The following SH3KBP1 variants were observed in gnomAD, a reference collection of about 807,000 sequenced individuals.
SH3KBP1 encodes SH3 domain-containing kinase-binding protein 1.
SH3KBP1 carries 8 observed loss-of-function variants against 50.1 expected under a neutral mutation model. That is an observed-to-expected ratio of 0.16 (90% CI 0.09 to 0.29). The LOEUF is 0.29. Ranked by LOEUF, SH3KBP1 falls within the 10% of genes least tolerant of loss-of-function variation. The pLI is 1.00. For missense variants in SH3KBP1, 377 were observed against 535.2 expected (o/e 0.70, Z 2.92); for synonymous variants, 227 against 218.6 (o/e 1.04, Z -0.34).
intron 1 of SH3KBP1, among the ~76,000 whole-genome samples, chrX:19,843,336 TAC>T (rs1258844344): frequency 1.0e-4 from 11 of 110,074 alleles, no homozygotes; most frequent in Non-Finnish European, 2.1e-4. Flanking sequence ...CAACTTTACA[TAC>T]ACACAGACTC....
chrX:19,779,428 TA>T (rs913583596), intron 2 of SH3KBP1, among the ~76,000 whole-genome samples: 3 of 109,390 alleles, frequency 2.7e-5, no homozygotes, highest in Non-Finnish European at 5.7e-5. Flanking sequence ...AACAGCACTT[TA>T]TTTTTTTTTT....
intron 7 of SH3KBP1, among the ~76,000 whole-genome samples, chrX:19,635,531 G>A (rs777215216): frequency 3.0e-5 from 3 of 98,861 alleles, no homozygotes; most frequent in Non-Finnish European, 4.1e-5. Context: ...CGTGTATCCC[G>A]TTTTTTTTTT....
At chrX:19,682,457 T>A (rs1044043447) in intron 6 of SH3KBP1, among the ~76,000 whole-genome samples, 2 of 109,103 alleles carry the variant, frequency 1.8e-5, no homozygotes, top group African/African-American at 6.7e-5. Flanking sequence ...ACTGAGTCAA[T>A]GGTCGTTTTC....
intron 1 of SH3KBP1, among the ~76,000 whole-genome samples, chrX:19,841,800 A>G (rs1389311688): frequency 9.3e-6 from 1 of 107,171 alleles, no homozygotes; most frequent in Non-Finnish European, 1.9e-5. Context: ...CATCAAGCCC[A>G]GGGCTACGTT....
chrX:19,559,163 T>C (rs1267694033), intron 13 of SH3KBP1, among the ~76,000 whole-genome samples: 3 of 97,656 alleles, frequency 3.1e-5, no homozygotes, highest in African/African-American at 7.7e-5. Flanking sequence ...TCCCAGCTAC[T>C]CTGGAGGCTG....
intron 5 of SH3KBP1, 31 bp downstream of exon 5, chrX:19,695,581 C>A: frequency 1.7e-6 from 2 of 1,206,407 alleles, no homozygotes; most frequent in Admixed American, 2.2e-5. Context: ...TCCCCCGCCC[C>A]TCTCCTGCTT....
At chrX:19,781,835 G>A (rs753561936) in intron 2 of SH3KBP1, among the ~76,000 whole-genome samples, 2 of 111,620 alleles carry the variant, frequency 1.8e-5, no homozygotes, top group African/African-American at 6.5e-5. Flanking sequence ...CTATATTCTT[G>A]AAATGGGTGA....
At chrX:19,878,505 T>TGTGTGTGTGAGA (rs1491094714) in intron 1 of SH3KBP1, among the ~76,000 whole-genome samples, 10 of 48,251 alleles carry the variant, frequency 2.1e-4, no homozygotes, top group African/African-American at 6.0e-4. Context: ...TGTGTGTGTG[T>TGTGTGTGTGAGA]GAGAGAGAGA....
chrX:19,742,013 A>T (rs2064783380), intron 3 of SH3KBP1, among the ~76,000 whole-genome samples: 2 of 112,155 alleles, frequency 1.8e-5, no homozygotes, highest in Non-Finnish European at 3.8e-5. Context: ...ACGGGCCAGC[A>T]GGGTATTGAT....
chrX:19,784,601 TTTTTA>T (rs761003705), intron 2 of SH3KBP1, among the ~76,000 whole-genome samples: 58 of 110,819 alleles, frequency 5.2e-4, no homozygotes, highest in Middle Eastern at 4.6e-3. Flanking sequence ...TCAGATTTAT[TTTTTA>T]TTTTATTTTA....
At chrX:19,667,084 A>G (rs1464318539) in intron 6 of SH3KBP1, among the ~76,000 whole-genome samples, 1 of 112,535 alleles carries the variant, frequency 8.9e-6, no homozygotes, top group East Asian at 2.8e-4. Context: ...GGTAAGTGAA[A>G]TAAGTCAGTC....
In SH3KBP1 at chrX:19,535,317, GC is replaced by G. The variant is rs1223378917; in HGVS notation, c.*1099del. 2 of 210,646 alleles carry G rather than the reference GC, an allele frequency of 9.5e-6. No individual in the cohort carries two copies. The highest frequency in any genetic ancestry group is 5.7e-4 in the South Asian group (2 of 3,526). 17.4% of individuals were successfully genotyped at this position (210,646 alleles called of 1,213,427 possible). Reference sequence around the variant, plus strand: ...GACCTGAGGAAGGGGTTACAAGTGAGCAAGGCAAATGACATTATGTGAATAC... The same window carrying G: ...GACCTGAGGAAGGGGTTACAAGTGAGAAGGCAAATGACATTATGTGAATAC... On this transcript the variant is annotated 3_prime_UTR_variant, in exon 18 of 18. Coordinates refer to ENST00000397821, the MANE Select transcript of SH3KBP1 (RefSeq NM_031892.3).
intron 2 of SH3KBP1, among the ~76,000 whole-genome samples, chrX:19,779,185 G>C (rs1315023086): frequency 9.3e-6 from 1 of 107,685 alleles, no homozygotes; most frequent in Non-Finnish European, 1.9e-5. Context: ...TGTAGTCCCA[G>C]CTACTTGGGA....
rs538213747 is a variant in SH3KBP1, at chrX:19,738,210, A to T, written c.286+8108T>A. On this transcript the variant is annotated intron_variant, in intron 3 of 17. Coordinates refer to ENST00000397821, the MANE Select transcript of SH3KBP1 (RefSeq NM_031892.3). ...TATGCTAATGTGCTTGTCAGTCTCC[A>T]AGATGGTGTTAGTGCTGCAGCTGAA... is the stretch of plus-strand genomic sequence containing the variant. Among the ~76,000 whole-genome samples, 4 of 111,615 alleles carry T rather than the reference A, an allele frequency of 3.6e-5. No homozygotes were observed. The East Asian group carries it at 1.1e-3, about 31-fold the overall frequency.
intron 6 of SH3KBP1, among the ~76,000 whole-genome samples, chrX:19,659,109 ATTTT>A (rs147804094): frequency 1.7e-5 from 1 of 57,331 alleles, no homozygotes. Context: ...TGCCCAGCTA[ATTTT>A]TTTTTTTTTT....
intron 6 of SH3KBP1, among the ~76,000 whole-genome samples, chrX:19,651,830 ACAGTCAGTCAGT>A (rs760163287): frequency 8.4e-4 from 94 of 111,913 alleles, no homozygotes; most frequent in African/African-American, 2.9e-3. Flanking sequence ...CCTCATCTCT[ACAGTCAGTCAGT>A]CAGTCAGTCA....
chrX:19,760,396 A>AC (rs2065380412), intron 2 of SH3KBP1, among the ~76,000 whole-genome samples: 5 of 97,339 alleles, frequency 5.1e-5, no homozygotes, highest in Non-Finnish European at 8.2e-5. Flanking sequence ...CAAAATAAAT[A>AC]AATACATACA....
chrX:19,764,902 G>A (rs761571273), intron 2 of SH3KBP1, among the ~76,000 whole-genome samples: 1 of 106,510 alleles, frequency 9.4e-6, no homozygotes, highest in Admixed American at 1.0e-4. Flanking sequence ...TCTGCCTCCC[G>A]GGTTCAAGCG....
chrX:19,564,951 G>A (rs943811572), intron 13 of SH3KBP1, among the ~76,000 whole-genome samples: 2 of 108,866 alleles, frequency 1.8e-5, no homozygotes, highest in African/African-American at 6.7e-5. Flanking sequence ...AATGTCTCCA[G>A]ACATTGCCAA....
Sources: allele counts gnomAD v4.1 joint callset (sites outside exome capture counted in the v4.1 genomes callset), GRCh38; gene constraint gnomAD v4.1.1; transcripts MANE v1.5; gene names NCBI Gene and HGNC (gene_info 2026-07-23, HGNC 2026-07-21).